RALGAPB: variants seen among roughly 807,000 people sequenced by gnomAD.
The protein encoded by RALGAPB is Ral GTPase activating protein non-catalytic subunit beta, also known as ral GTPase-activating protein subunit beta.
RALGAPB carries 25 observed loss-of-function variants against 161.1 expected under a neutral mutation model. That is an observed-to-expected ratio of 0.16 (90% CI 0.11 to 0.22). The LOEUF (loss-of-function observed/expected upper bound fraction) is 0.22, where lower values mean the gene tolerates loss of function less well. Ranked by LOEUF, RALGAPB falls within the 10% of genes least tolerant of loss-of-function variation. RALGAPB has a pLI of 1.00. For missense variants in RALGAPB, 1,391 were observed against 1,815.2 expected, an observed-to-expected ratio of 0.77 and a Z score of 4.25; for synonymous variants, 629 against 626.1, an observed-to-expected ratio of 1.00 and a Z score of -0.07.
chr20:38,515,480 T>A (rs2086097159), intron 6 of RALGAPB, among the ~76,000 whole-genome samples: 1 of 152,166 alleles, frequency 6.6e-6, no homozygotes, highest in African/African-American at 2.4e-5. Flanking sequence ...AAAATCATAA[T>A]CTGTTTTTTA....
intron 14 of RALGAPB, 91 bp from the exon 15 acceptor site, chr20:38,532,639 T>A (rs1202016612): frequency 6.7e-7 from 1 of 1,485,226 alleles, no homozygotes; most frequent in Middle Eastern, 1.7e-4. Flanking sequence ...TGGCACATTC[T>A]GCTTTATCAA....
chr20:38,527,338 A>G (rs2086503369), intron 13 of RALGAPB, among the ~76,000 whole-genome samples: 1 of 152,184 alleles, frequency 6.6e-6, no homozygotes, highest in Admixed American at 6.5e-5. Context: ...TGAGGGACAG[A>G]TCCTGAAGAG....
At chr20:38,490,284 C>A (rs867952744) in intron 2 of RALGAPB, among the ~76,000 whole-genome samples, 1 of 152,190 alleles carries the variant, frequency 6.6e-6, no homozygotes, top group Non-Finnish European at 1.5e-5. Flanking sequence ...TCTTGGCTCA[C>A]TGCAAGCTCC....
chr20:38,479,889 A>G (rs1052885349), intron 1 of RALGAPB, among the ~76,000 whole-genome samples: 2 of 152,150 alleles, frequency 1.3e-5, no homozygotes, highest in African/African-American at 4.8e-5. Flanking sequence ...CTCTTCTACT[A>G]TCCCTTCAGT....
At chr20:38,532,250 G>T (rs552330243) in intron 14 of RALGAPB, among the ~76,000 whole-genome samples, 66 of 152,232 alleles carry the variant, frequency 4.3e-4, no homozygotes, top group African/African-American at 1.5e-3. Context: ...ATAGAGATGG[G>T]GTTTCACTGT....
intron 18 of RALGAPB, among the ~76,000 whole-genome samples, chr20:38,544,903 T>G (rs1296505427): frequency 6.6e-6 from 1 of 152,050 alleles, no homozygotes; most frequent in African/African-American, 2.4e-5. Context: ...AATCCTTGAG[T>G]TTTTTTTCAC....
chr20:38,474,886 G>A (rs897956855), intron 1 of RALGAPB, among the ~76,000 whole-genome samples: 7 of 152,126 alleles, frequency 4.6e-5, no homozygotes, highest in South Asian at 4.1e-4. Flanking sequence ...ATCATGTTGC[G>A]AACAGATTCT....
At chr20:38,513,139 G>A (rs111796067) in intron 6 of RALGAPB, among the ~76,000 whole-genome samples, 2 of 152,132 alleles carry the variant, frequency 1.3e-5, no homozygotes, top group Admixed American at 6.5e-5. Context: ...AGGCCAACGC[G>A]GGTAGATCAC....
intron 7 of RALGAPB, 154 bp downstream of exon 7, chr20:38,516,524 A>G (rs771786233): frequency 5.4e-6 from 4 of 746,560 alleles, no homozygotes; most frequent in Non-Finnish European, 8.3e-6. Flanking sequence ...AACAAATAAA[A>G]TAGCCAGAGG....
intron 19 of RALGAPB, chr20:38,547,776 T>G (rs2145420972): frequency 6.6e-6 from 1 of 152,308 alleles, no homozygotes; most frequent in Non-Finnish European, 1.5e-5. Context: ...TCTACAGGCA[T>G]CTCATCCTTC....
intron 14 of RALGAPB, among the ~76,000 whole-genome samples, chr20:38,531,759 G>A (rs953777300): frequency 5.3e-5 from 8 of 152,122 alleles, no homozygotes; most frequent in Admixed American, 2.0e-4. Flanking sequence ...GGTTAATAGG[G>A]TATACTGGGG....
chr20:38,492,237 C>G (rs1238242613), intron 2 of RALGAPB, among the ~76,000 whole-genome samples: 2 of 152,200 alleles, frequency 1.3e-5, no homozygotes, highest in African/African-American at 4.8e-5. Flanking sequence ...TATTTAATCT[C>G]TACAATTACG....
chr20:38,506,287 G>A (rs866682471), intron 5 of RALGAPB, among the ~76,000 whole-genome samples: 2 of 151,928 alleles, frequency 1.3e-5, no homozygotes, highest in South Asian at 4.2e-4. Context: ...ATAGGTTCCT[G>A]CTTTTTTCTT....
In RALGAPB at chr20:38,570,866, A is replaced by G; in HGVS notation, c.4142+19A>G. On this transcript the variant is annotated intron_variant, in intron 28 of 29. Coordinates refer to ENST00000262879, the MANE Select transcript of RALGAPB (RefSeq NM_020336.4). ...CACTGAGGTACACTCTATTTGCTTG[A>G]AGTTCATCAGCGTGTCTTTTTTTAA... 10 of 1,524,200 alleles carry G rather than the reference A, an allele frequency of 6.6e-6. No individual in the cohort carries two copies. The highest frequency in any genetic ancestry group is 9.1e-6 in the Non-Finnish European group (10 of 1,104,182). 94.4% of individuals were successfully genotyped at this position (1,524,200 alleles called of 1,614,324 possible).
chr20:38,565,501 C>G (rs765436782), intron 25 of RALGAPB, 23 bp downstream of exon 25: 1 of 1,609,680 alleles, frequency 6.2e-7, no homozygotes, highest in Admixed American at 1.7e-5. Context: ...TTGCATGGTC[C>G]TGTTTTAGGA....
intron 1 of RALGAPB, among the ~76,000 whole-genome samples, chr20:38,483,684 C>T (rs1436415748): frequency 1.3e-5 from 2 of 152,136 alleles, no homozygotes; most frequent in Non-Finnish European, 2.9e-5. Context: ...CTACAAACAA[C>T]CCCATGGCAA....
rs141172455 is a variant in RALGAPB, at chr20:38,480,941, C to T, written c.-30-7462C>T. Among the ~76,000 whole-genome samples, 759 of 151,446 alleles carry T rather than the reference C, an allele frequency of 5.0e-3. 6 individuals carry two copies. Among genetic ancestry groups the T allele is most frequent in the African/African-American group, 0.017 (722 of 41,264 alleles). On this transcript the variant is annotated intron_variant, in intron 1 of 29. Transcript: ENST00000262879. The stretch of plus-strand genomic sequence containing the variant: ...ATTTTTAGTAGAGACGGGGTTTCAC[C>T]GTGTTAGGATGGTCTTGATCTCCTG...
chr20:38,565,339 G>C lies in RALGAPB; in HGVS notation c.3698-20G>C. The C allele has an allele frequency of 6.2e-7, 1 of 1,612,410 alleles. No individual in the cohort carries two copies. The highest frequency in any genetic ancestry group is 8.5e-7 in the Non-Finnish European group (1 of 1,179,130). ...TCCTACTTTTTGAAGCGGTAATGTAGTGTTTCTTTTTCCCAGAAGAAGTGA... is the reference window on the plus strand; with the variant it reads ...TCCTACTTTTTGAAGCGGTAATGTACTGTTTCTTTTTCCCAGAAGAAGTGA... On this transcript the variant is annotated intron_variant, in intron 24 of 29. Transcript: ENST00000262879.
At position 38,525,950 on chromosome 20, in the gene RALGAPB, T is replaced by C. The variant is rs550227518; in HGVS notation, c.1958T>C (p.Ile653Thr). The C allele has an allele frequency of 5.0e-6, 8 of 1,613,904 alleles. 1 individual carries two copies. In the East Asian group the frequency reaches 1.8e-4, roughly 36 times the overall value. ...GACAGCTCTTCTTATGATAAACCAATAACTTTTCTGTCCCTGAAGTTGAGA... is the reference window on the plus strand; with the variant it reads ...GACAGCTCTTCTTATGATAAACCAACAACTTTTCTGTCCCTGAAGTTGAGA... ...NDDSSSYDKP[I>T]TFLSLKLRLV... The change falls in exon 13 of 30, where the codon ATA becomes ACA. Residue 653 changes from isoleucine to threonine, a missense_variant. Ile to Thr is a moderately conservative substitution (Grantham distance 89, BLOSUM62 -1). Transcript: ENST00000262879.
Sources: gnomAD v4.1 joint callset for allele counts (sites outside exome capture counted in the v4.1 genomes callset) on GRCh38, gnomAD v4.1.1 for gene constraint, MANE v1.5 for transcripts, NCBI Gene and HGNC (gene_info 2026-07-23, HGNC 2026-07-21) for gene names.